LRBA: variants seen among roughly 807,000 people sequenced by gnomAD.
The protein encoded by LRBA is LPS responsive beige-like anchor protein.
Under a neutral mutation model 330.0 loss-of-function variants are expected in LRBA, and 176 were observed. The ratio of observed to expected loss-of-function variants is 0.53; its 90% CI spans 0.47 to 0.60. The LOEUF is 0.60. LRBA is among the 20% of genes least tolerant of loss of function. The probability of loss-of-function intolerance (pLI) is 0.00; values close to 1 mark genes in which losing one functional copy is unlikely to be tolerated. For missense variants in LRBA, 3,259 were observed against 3,444.8 expected (o/e 0.95, Z 1.35); for synonymous variants, 1,230 against 1,193.0 (o/e 1.03, Z -0.64).
intron 40 of LRBA, among the ~76,000 whole-genome samples, chr4:150,511,059 T>C (rs1761776473): frequency 6.6e-6 from 1 of 152,162 alleles, no homozygotes; most frequent in South Asian, 2.1e-4. Context: ...GGTTTCACCA[T>C]GTTGGCTAGG....
At position 150,916,679 on chromosome 4, in the gene LRBA, T is replaced by C. The variant is rs1468507333; in HGVS notation, c.705A>G (p.Thr235=). 1.7e-5 allele frequency: 27 copies of C among 1,599,012 alleles called. No homozygotes were observed. In the Middle Eastern group the frequency reaches 8.3e-4, roughly 49 times the overall value. Reference sequence around the variant, plus strand: ...TATTTACAGGATCCATTCTAAGCCATGTATGAAATGTAAAACCATTCTGGT... The same window carrying C: ...TATTTACAGGATCCATTCTAAGCCACGTATGAAATGTAAAACCATTCTGGT... The part of the protein sequence containing the change: ...WPYQNGFTFH[T]WLRMDPVNNI... Residue 235 remains threonine (T), a synonymous_variant, in exon 6 of 57, where the codon ACA becomes ACG. Transcript: ENST00000651943.
At chr4:150,505,968 A>G (rs1761015972) in intron 40 of LRBA, among the ~76,000 whole-genome samples, 1 of 152,238 alleles carries the variant, frequency 6.6e-6, no homozygotes, top group Non-Finnish European at 1.5e-5. Context: ...AATAAACTAG[A>G]AAATCTAGAA....
At chr4:150,269,509 T>G (rs923229642) in intron 56 of LRBA, among the ~76,000 whole-genome samples, 2 of 152,156 alleles carry the variant, frequency 1.3e-5, no homozygotes, top group Non-Finnish European at 2.9e-5. Context: ...AAATACAAAT[T>G]AAAACTATAA....
chr4:151,003,030 GTGTGTA>G (rs1479822365), intron 2 of LRBA, among the ~76,000 whole-genome samples: 5 of 116,254 alleles, frequency 4.3e-5, no homozygotes, highest in African/African-American at 1.4e-4. Flanking sequence ...AAATATGTGT[GTGTGTA>G]TGTGTTTGCG....
At chr4:150,997,507 T>C (rs1257283067) in intron 2 of LRBA, among the ~76,000 whole-genome samples, 2 of 152,166 alleles carry the variant, frequency 1.3e-5, no homozygotes, top group East Asian at 1.9e-4. Context: ...TCTATGCAGG[T>C]TACTTGTATT....
At chr4:150,305,967 A>G (rs1351132692) in intron 52 of LRBA, among the ~76,000 whole-genome samples, 1 of 151,908 alleles carries the variant, frequency 6.6e-6, no homozygotes, top group East Asian at 1.9e-4. Context: ...TGTTTCCTTT[A>G]ATACCAGTCC....
intron 44 of LRBA, among the ~76,000 whole-genome samples, chr4:150,437,306 A>G (rs1245212400): frequency 6.6e-6 from 1 of 152,034 alleles, no homozygotes; most frequent in East Asian, 1.9e-4. Flanking sequence ...AAACTGGGAG[A>G]TAGGTGAGAT....
intron 37 of LRBA, among the ~76,000 whole-genome samples, chr4:150,636,086 G>C (rs1268111527): frequency 6.6e-6 from 1 of 150,854 alleles, no homozygotes; most frequent in Non-Finnish European, 1.5e-5. Flanking sequence ...CTAAAAGGAA[G>C]CACATGGTTT....
At chr4:150,873,003 A>T (rs1753613433) in intron 17 of LRBA, among the ~76,000 whole-genome samples, 1 of 152,176 alleles carries the variant, frequency 6.6e-6, no homozygotes, top group Non-Finnish European at 1.5e-5. Context: ...CTTATATGTA[A>T]CGTGTGTATC....
chr4:150,786,854 C>G (rs1372324916), intron 34 of LRBA, among the ~76,000 whole-genome samples: 1 of 152,128 alleles, frequency 6.6e-6, no homozygotes, highest in Non-Finnish European at 1.5e-5. Flanking sequence ...TTGGCTCTAC[C>G]TTGGCAGCAG....
At chr4:150,730,676 C>T (rs1411786782) in intron 36 of LRBA, among the ~76,000 whole-genome samples, 4 of 116,662 alleles carry the variant, frequency 3.4e-5, no homozygotes, top group Admixed American at 9.4e-5. Flanking sequence ...GAGTGAGGCT[C>T]TGAAAAAAAA....
At chr4:150,557,779 A>C (rs1381599438) in intron 40 of LRBA, among the ~76,000 whole-genome samples, 1 of 152,206 alleles carries the variant, frequency 6.6e-6, no homozygotes, top group African/African-American at 2.4e-5. Context: ...GCTACATGCT[A>C]TCAACGTGTT....
At position 150,893,123 on chromosome 4, in the gene LRBA, C is replaced by T; in HGVS notation, c.2094G>A (p.Gln698=). The change falls in exon 17 of 57, where the codon CAG becomes CAA. Residue 698 remains glutamine, a synonymous_variant. Transcript: ENST00000651943. ...HEDDNLMDVL[Q]LLVALMSEHP... is the part of the protein sequence containing the mutation. ...GTTCTGACATTAATGCAACAAGCAGCTGTAGGACATCCATTAGATTGTCAT... is the reference window on the plus strand; with the variant it reads ...GTTCTGACATTAATGCAACAAGCAGTTGTAGGACATCCATTAGATTGTCAT... The T allele has an allele frequency of 6.2e-7, 1 of 1,610,730 alleles. No individual in the cohort carries two copies.
intron 34 of LRBA, among the ~76,000 whole-genome samples, chr4:150,784,634 G>A (rs1738767732): frequency 6.6e-6 from 1 of 152,154 alleles, no homozygotes; most frequent in Non-Finnish European, 1.5e-5. Context: ...TACCTGACTG[G>A]TATCCACTGC....
chr4:150,526,401 C>A (rs1404765343), intron 40 of LRBA, among the ~76,000 whole-genome samples: 1 of 152,240 alleles, frequency 6.6e-6, no homozygotes, highest in African/African-American at 2.4e-5. Context: ...AGATGTTTCA[C>A]CTCCTCTATA....
chr4:150,857,293 G>A (rs1751338770), intron 22 of LRBA, among the ~76,000 whole-genome samples: 1 of 152,034 alleles, frequency 6.6e-6, no homozygotes, highest in Non-Finnish European at 1.5e-5. Flanking sequence ...CAATGGTATA[G>A]GTAACAGATA....
intron 47 of LRBA, among the ~76,000 whole-genome samples, chr4:150,373,168 T>TGAGAGAGAGA (rs1367151216): frequency 2.7e-5 from 3 of 111,452 alleles, no homozygotes; most frequent in African/African-American, 9.6e-5. Flanking sequence ...TGTGTGTGTG[T>TGAGAGAGAGA]GTGTGAGAGA....
Position 150,350,159 on chromosome 4 carries a change from C to A in LRBA, c.7195G>T (p.Ala2399Ser). Residue 2399 changes from alanine (A) to serine (S), a missense_variant and splice_region_variant, in exon 48 of 57, where the codon GCC (alanine) becomes TCC (serine). By Grantham distance (99) the Ala-to-Ser change is moderately conservative (BLOSUM62 1). Coordinates refer to ENST00000651943, the MANE Select transcript of LRBA (RefSeq NM_001364905.1). ...SEEFVHINRL[A>S]LESEFVSCQL... Reference sequence around the variant, plus strand: ...CAGGAAACAAATTCACTCTCCAGGGCCTGAAAAAAGGTATACATTGTATTA... The same window carrying A: ...CAGGAAACAAATTCACTCTCCAGGGACTGAAAAAAGGTATACATTGTATTA... The A allele has an allele frequency of 6.4e-7, 1 of 1,556,584 alleles. No individual in the cohort carries two copies. The highest frequency in any genetic ancestry group is 8.6e-7 in the Non-Finnish European group (1 of 1,157,708).
At chr4:150,707,803 A>G (rs1035734746) in intron 36 of LRBA, among the ~76,000 whole-genome samples, 1 of 151,808 alleles carries the variant, frequency 6.6e-6, no homozygotes, top group African/African-American at 2.4e-5. Context: ...CTAGCATATG[A>G]TAATTAGACA....
Sources: gnomAD v4.1 joint callset for allele counts (sites outside exome capture counted in the v4.1 genomes callset) on GRCh38, gnomAD v4.1.1 for gene constraint, MANE v1.5 for transcripts, NCBI Gene and HGNC (gene_info 2026-07-23, HGNC 2026-07-21) for gene names.